Variants in CEP85L observed in about 807,000 individuals in gnomAD.
CEP85L encodes the protein centrosomal protein of 85 kDa-like.
Under a neutral mutation model 100.3 loss-of-function variants are expected in CEP85L, and 60 were observed. The ratio of observed to expected loss-of-function variants is 0.60; its 90% CI spans 0.49 to 0.74. CEP85L has a LOEUF of 0.74. Among genes scored for constraint, CEP85L ranks in the 30% least tolerant of loss-of-function variants. The pLI is 0.00. For missense variants in CEP85L, 973 were observed against 936.2 expected, an observed-to-expected ratio of 1.04 and a Z score of -0.51; for synonymous variants, 319 against 322.7, an observed-to-expected ratio of 0.99 and a Z score of 0.12.
intron 2 of CEP85L, among the ~76,000 whole-genome samples, chr6:118,606,563 C>T (rs1347150340): frequency 6.6e-6 from 1 of 152,204 alleles, no homozygotes; most frequent in Non-Finnish European, 1.5e-5. Context: ...GACATGAACC[C>T]TAAAATTCCT....
chr6:118,657,989 A>G (rs971077234), intron 1 of CEP85L, among the ~76,000 whole-genome samples: 3 of 152,110 alleles, frequency 2.0e-5, no homozygotes, highest in Admixed American at 1.3e-4. Flanking sequence ...ATTCCAAAGA[A>G]TTTTCAGCGT....
intron 3 of CEP85L, among the ~76,000 whole-genome samples, chr6:118,544,092 GA>G (rs1778062152): frequency 6.6e-6 from 1 of 151,772 alleles, no homozygotes; most frequent in South Asian, 2.1e-4. Flanking sequence ...TTGCGAATGC[GA>G]GGAGCTCAAA....
intron 10 of CEP85L, among the ~76,000 whole-genome samples, chr6:118,474,623 C>T: frequency 6.6e-6 from 1 of 152,212 alleles, no homozygotes; most frequent in East Asian, 1.9e-4. Flanking sequence ...GAACTCCCTC[C>T]AGTGAGCGTT....
At chr6:118,645,879 A>AT (rs904158284) in intron 1 of CEP85L, among the ~76,000 whole-genome samples, 17 of 150,194 alleles carry the variant, frequency 1.1e-4, no homozygotes, top group African/African-American at 2.0e-4. Flanking sequence ...CTAGGTAACC[A>AT]TTTTTTTTTT....
At chr6:118,485,910 C>T (rs1349697944) in intron 6 of CEP85L, among the ~76,000 whole-genome samples, 1 of 152,200 alleles carries the variant, frequency 6.6e-6, no homozygotes, top group Non-Finnish European at 1.5e-5. Flanking sequence ...GTCTAAATGT[C>T]TTCAATGTGA....
chr6:118,547,978 T>C (rs1174091739), intron 3 of CEP85L, among the ~76,000 whole-genome samples: 1 of 152,122 alleles, frequency 6.6e-6, no homozygotes, highest in Non-Finnish European at 1.5e-5. Flanking sequence ...GCAGTAACTA[T>C]TTTAGCTCTT....
chr6:118,474,942 GA>G (rs1318052225), intron 10 of CEP85L, among the ~76,000 whole-genome samples: 2 of 152,178 alleles, frequency 1.3e-5, no homozygotes, highest in Non-Finnish European at 2.9e-5. Context: ...CCTGAGGTCA[GA>G]ACAAATCTCA....
At chr6:118,490,766 TAGAA>T (rs1195231747) in intron 6 of CEP85L, among the ~76,000 whole-genome samples, 1 of 152,136 alleles carries the variant, frequency 6.6e-6, no homozygotes, top group Non-Finnish European at 1.5e-5. Context: ...CAGCAATAGA[TAGAA>T]ACTGATACAT....
chr6:118,608,152 C>G (rs1362956278), intron 2 of CEP85L, among the ~76,000 whole-genome samples: 1 of 152,008 alleles, frequency 6.6e-6, no homozygotes, highest in Non-Finnish European at 1.5e-5. Flanking sequence ...TATTTTGCAT[C>G]TTTTGTCAAT....
intron 1 of CEP85L, among the ~76,000 whole-genome samples, chr6:118,676,068 T>A (rs774259079): frequency 1.1e-4 from 16 of 152,202 alleles, no homozygotes; most frequent in Admixed American, 5.9e-4. Flanking sequence ...TTATTACTAT[T>A]TTTTTTACTA....
At chr6:118,569,472 T>C (rs998046150) in intron 2 of CEP85L, among the ~76,000 whole-genome samples, 5 of 149,684 alleles carry the variant, frequency 3.3e-5, no homozygotes, top group African/African-American at 1.2e-4. Context: ...AAAATATATA[T>C]TCAAAAAAAT....
chr6:118,507,730 C>G (rs1775737920), intron 5 of CEP85L, among the ~76,000 whole-genome samples: 1 of 152,188 alleles, frequency 6.6e-6, no homozygotes, highest in Non-Finnish European at 1.5e-5. Flanking sequence ...CCTCAAAACA[C>G]TATTCCTTCA....
chr6:118,650,457 G>A (rs920202848), intron 1 of CEP85L, among the ~76,000 whole-genome samples: 7 of 152,196 alleles, frequency 4.6e-5, no homozygotes, highest in African/African-American at 1.4e-4. Flanking sequence ...GACCCCTTCA[G>A]ATACGGAATG....
chr6:118,550,227 G>T (rs1583026825), intron 3 of CEP85L, among the ~76,000 whole-genome samples: 1 of 151,708 alleles, frequency 6.6e-6, no homozygotes, highest in Non-Finnish European at 1.5e-5. Context: ...AGGCATAAAG[G>T]AAAATGATCA....
At chr6:118,615,435 T>TA (rs1772966022) in intron 2 of CEP85L, among the ~76,000 whole-genome samples, 1 of 74,914 alleles carries the variant, frequency 1.3e-5, no homozygotes, top group African/African-American at 5.5e-5. Context: ...AAAAAGTAAA[T>TA]GGGAAAAAAA....
In CEP85L at chr6:118,649,617, T is replaced by C. The variant is rs567066488; in HGVS notation, c.73+1580A>G. ...AACTGAAACCACTCCCTCCAGCCCC[T>C]AGGGATAATGAAGTAGCTTCTCAAT... On this transcript the variant is annotated intron_variant, in intron 1 of 12. Coordinates refer to ENST00000368491, the MANE Select transcript of CEP85L (RefSeq NM_001042475.3). 2.0e-5 allele frequency among the ~76,000 whole-genome samples: 3 copies of C among 152,250 alleles called. No homozygotes were observed. In the East Asian group the frequency reaches 5.8e-4, roughly 29 times the overall value.
Position 118,522,949 on chromosome 6 carries a change from A to G in CEP85L, c.1139+853T>C, listed in dbSNP as rs903014757. On this transcript the variant is annotated intron_variant, in intron 4 of 12. Coordinates refer to ENST00000368491, the MANE Select transcript of CEP85L (RefSeq NM_001042475.3). Reference sequence around the variant, plus strand: ...ATATCTGTGGTCTAGTTTATATTCCAGTAGATCTTCATTAACAATGCTAAA... The same window carrying G: ...ATATCTGTGGTCTAGTTTATATTCCGGTAGATCTTCATTAACAATGCTAAA... 5.3e-5 allele frequency among the ~76,000 whole-genome samples: 8 copies of G among 152,344 alleles called. No homozygotes were observed. The South Asian group carries it at 1.7e-3, about 32-fold the overall frequency.
chr6:118,482,539 C>G (rs1773864045), intron 7 of CEP85L, among the ~76,000 whole-genome samples: 1 of 152,180 alleles, frequency 6.6e-6, no homozygotes, highest in South Asian at 2.1e-4. Flanking sequence ...AATTTCTCTC[C>G]TTGTTAAGGC....
chr6:118,575,798 T>G (rs1158020690), intron 2 of CEP85L, among the ~76,000 whole-genome samples: 1 of 152,018 alleles, frequency 6.6e-6, no homozygotes, highest in East Asian at 1.9e-4. Context: ...GATAGTTGCA[T>G]AGTGTGCAGA....
Sources: gnomAD v4.1 joint callset for allele counts (sites outside exome capture counted in the v4.1 genomes callset) on GRCh38, gnomAD v4.1.1 for gene constraint, MANE v1.5 for transcripts, NCBI Gene and HGNC (gene_info 2026-07-23, HGNC 2026-07-21) for gene names.